ADRA1B: variants seen among roughly 807,000 people sequenced by gnomAD.
ADRA1B encodes alpha-1B adrenergic receptor.
Under a neutral mutation model 17.9 loss-of-function variants are expected in ADRA1B, and 17 were observed. The ratio of observed to expected loss-of-function variants is 0.95; its 90% CI spans 0.65 to 1.42. ADRA1B has a LOEUF of 1.42. Among genes scored for constraint, ADRA1B ranks in the 40% most tolerant of loss-of-function variants. The probability of loss-of-function intolerance (pLI) is 0.00; values close to 1 mark genes in which losing one functional copy is unlikely to be tolerated. For missense variants in ADRA1B, 681 were observed against 722.1 expected (o/e 0.94, Z 0.65); for synonymous variants, 366 against 327.6 (o/e 1.12, Z -1.27).
At chr5:159,973,307 AC>A (rs1755922319), downstream of ADRA1B, among the ~76,000 whole-genome samples, 1 of 151,984 alleles carries the variant, frequency 6.6e-6, no homozygotes, top group Admixed American at 6.6e-5. Flanking sequence ...CCTGCTTTTG[AC>A]CCTTAGCAGA....
chr5:159,988,012 C>A, the ADRA1B span, among the ~76,000 whole-genome samples: 2 of 152,150 alleles, frequency 1.3e-5, no homozygotes, highest in Non-Finnish European at 2.9e-5. Context: ...GGGGACTTTG[C>A]AGATCTAATC....
intron 1 of ADRA1B, among the ~76,000 whole-genome samples, chr5:159,889,294 C>T (rs1157964058): frequency 6.6e-6 from 1 of 152,162 alleles, no homozygotes; most frequent in Non-Finnish European, 1.5e-5. Flanking sequence ...GCAATTTCTC[C>T]ATAGTTCTCC....
downstream of ADRA1B, among the ~76,000 whole-genome samples, chr5:159,975,857 G>T (rs1479966541): frequency 6.6e-6 from 1 of 152,306 alleles, no homozygotes; most frequent in South Asian, 2.1e-4. Flanking sequence ...CAGCAAAGCA[G>T]CCCTACTATT....
At chr5:159,949,234 G>A (rs947890820) in intron 1 of ADRA1B, among the ~76,000 whole-genome samples, 4 of 152,128 alleles carry the variant, frequency 2.6e-5, no homozygotes, top group African/African-American at 9.7e-5. Context: ...TCATCAACAT[G>A]GGGTACTACT....
At chr5:159,975,942 G>C (rs752733287), downstream of ADRA1B, among the ~76,000 whole-genome samples, 6 of 152,190 alleles carry the variant, frequency 3.9e-5, no homozygotes, top group Non-Finnish European at 7.3e-5. Context: ...GCCAACCCCA[G>C]TCAAGAGGCC....
chr5:159,988,514 T>A, the ADRA1B span, among the ~76,000 whole-genome samples: 1 of 152,186 alleles, frequency 6.6e-6, no homozygotes, highest in East Asian at 1.9e-4. Flanking sequence ...ATGCTGAGAT[T>A]CTCTGTATCA....
downstream of ADRA1B, among the ~76,000 whole-genome samples, chr5:159,974,373 C>T (rs1018048915): frequency 3.9e-5 from 6 of 152,156 alleles, no homozygotes; most frequent in African/African-American, 7.2e-5. Context: ...CAGTGGCTCA[C>T]GCCTGTATCC....
At chr5:159,909,298 C>T (rs1336305104) in intron 1 of ADRA1B, among the ~76,000 whole-genome samples, 2 of 152,174 alleles carry the variant, frequency 1.3e-5, no homozygotes, top group African/African-American at 4.8e-5. Flanking sequence ...GATGAGAAGG[C>T]AGAAACCGCC....
intron 1 of ADRA1B, among the ~76,000 whole-genome samples, chr5:159,867,676 A>G (rs975060959): frequency 6.6e-6 from 1 of 152,212 alleles, no homozygotes; most frequent in Admixed American, 6.5e-5. Context: ...AAAGTTTTCC[A>G]TCTCTTATTC....
intron 1 of ADRA1B, chr5:159,948,315 C>T (rs1337984429): frequency 1.1e-5 from 11 of 985,316 alleles, no homozygotes; most frequent in Non-Finnish European, 1.3e-5. Context: ...GCACTTTATG[C>T]TCACCCTTTC....
chr5:159,939,325 G>GCA (rs1388572921), intron 1 of ADRA1B, among the ~76,000 whole-genome samples: 2 of 117,630 alleles, frequency 1.7e-5, no homozygotes, highest in Non-Finnish European at 4.0e-5. Context: ...GTGTGTGTGC[G>GCA]CGCGCGCGCG....
chr5:159,881,180 CAAAAAAAAAAA>C (rs35928792), intron 1 of ADRA1B, among the ~76,000 whole-genome samples: 5 of 56,828 alleles, frequency 8.8e-5, no homozygotes, highest in Admixed American at 4.6e-4. Flanking sequence ...GACTCCGTCT[CAAAAAAAAAAA>C]AAAAAAAAAA....
intron 1 of ADRA1B, among the ~76,000 whole-genome samples, chr5:159,911,107 G>T (rs1348333103): frequency 2.0e-5 from 3 of 152,116 alleles, no homozygotes; most frequent in Non-Finnish European, 4.4e-5. Flanking sequence ...TGGGGCAAAC[G>T]GCTGCATGCC....
chr5:159,932,310 C>A (rs958903573), intron 1 of ADRA1B, among the ~76,000 whole-genome samples: 1 of 152,082 alleles, frequency 6.6e-6, no homozygotes, highest in African/African-American at 2.4e-5. Context: ...GTGTGCACCA[C>A]CACACCCAGC....
chr5:159,899,485 C>T (rs1028229246), intron 1 of ADRA1B, among the ~76,000 whole-genome samples: 1 of 152,142 alleles, frequency 6.6e-6, no homozygotes. Context: ...GAAGCTTCAC[C>T]GCATGTCATA....
downstream of ADRA1B, among the ~76,000 whole-genome samples, chr5:159,974,510 C>G (rs577567650): frequency 5.9e-5 from 9 of 151,906 alleles, no homozygotes; most frequent in Non-Finnish European, 1.0e-4. Flanking sequence ...ATGGTGGGCA[C>G]CTGTAATCCC....
chr5:159,939,320 TGTGCGCGC>T (rs1377989259), intron 1 of ADRA1B, among the ~76,000 whole-genome samples: 1 of 108,184 alleles, frequency 9.2e-6, no homozygotes, highest in East Asian at 2.8e-4. Flanking sequence ...TGTGTGTGTG[TGTGCGCGC>T]GCGCGCGCAC....
intron 1 of ADRA1B, among the ~76,000 whole-genome samples, chr5:159,932,705 A>G (rs1403345980): frequency 1.3e-5 from 2 of 152,160 alleles, no homozygotes; most frequent in Non-Finnish European, 2.9e-5. Context: ...GATATGTTCT[A>G]TGCATATATA....
intron 1 of ADRA1B, among the ~76,000 whole-genome samples, chr5:159,889,947 C>T (rs1753964179): frequency 6.6e-6 from 1 of 152,202 alleles, no homozygotes; most frequent in African/African-American, 2.4e-5. Context: ...AACTTCATCT[C>T]CTATGATATC....
Sources: gnomAD v4.1 joint callset for allele counts (sites outside exome capture counted in the v4.1 genomes callset) on GRCh38, gnomAD v4.1.1 for gene constraint, MANE v1.5 for transcripts, NCBI Gene and HGNC (gene_info 2026-07-23, HGNC 2026-07-21) for gene names.